The following GRXCR1 variants were observed in gnomAD, a reference collection of about 807,000 sequenced individuals.
GRXCR1 encodes glutaredoxin and cysteine rich domain containing 1.
In GRXCR1, 27 loss-of-function variants were observed where a neutral mutation model predicts 27.3. The observed-to-expected ratio is 0.99, with a 90% CI of 0.73 to 1.37. The LOEUF (loss-of-function observed/expected upper bound fraction) is 1.37, where lower values mean the gene tolerates loss of function less well. Ranked by LOEUF, GRXCR1 falls within the 40% of genes most tolerant of loss-of-function variation. GRXCR1 has a pLI of 0.00. For missense variants in GRXCR1, 379 were observed against 354.4 expected, an observed-to-expected ratio of 1.07 and a Z score of -0.56; for synonymous variants, 122 against 131.1, an observed-to-expected ratio of 0.93 and a Z score of 0.47.
In GRXCR1 at chr4:42,963,102, C is replaced by T. The variant is rs1216525577; in HGVS notation, c.595C>T (p.Pro199Ser). 4 of 1,612,776 alleles carry T rather than the reference C, an allele frequency of 2.5e-6. No homozygotes were observed. Among genetic ancestry groups the T allele is most frequent in the Non-Finnish European group, 3.4e-6 (4 of 1,179,040 alleles). ...CRRVSEAPSL[P>S]VVFIDGHYLG... ...ACGAGTTTCTGAAGCTCCTTCCCTC[C>T]CTGTTGTGTTCATTGATGGCCATTA... The change falls in exon 2 of 4, where the codon CCT becomes TCT. Residue 199 changes from proline to serine, a missense_variant. Pro to Ser is a moderately conservative substitution (Grantham distance 74). Transcript: ENST00000399770.
chr4:42,953,670 G>GT (rs1747934311), intron 1 of GRXCR1, among the ~76,000 whole-genome samples: 2 of 152,042 alleles, frequency 1.3e-5, no homozygotes, highest in African/African-American at 4.8e-5. Context: ...ATAAGAGATT[G>GT]TTTTTTTGAT....
At chr4:43,009,233 A>C (rs1420524127) in intron 2 of GRXCR1, among the ~76,000 whole-genome samples, 1 of 152,208 alleles carries the variant, frequency 6.6e-6, no homozygotes, top group Non-Finnish European at 1.5e-5. Context: ...CAGTTCTGGC[A>C]GGTAGAATCC....
chr4:42,943,233 C>A (rs1747663671), intron 1 of GRXCR1, among the ~76,000 whole-genome samples: 1 of 152,026 alleles, frequency 6.6e-6, no homozygotes, highest in African/African-American at 2.4e-5. Flanking sequence ...TTGCCTGATG[C>A]ATAGTTAATT....
chr4:42,910,000 A>G (rs1184317374), intron 1 of GRXCR1, among the ~76,000 whole-genome samples: 2 of 152,152 alleles, frequency 1.3e-5, no homozygotes, highest in Non-Finnish European at 2.9e-5. Context: ...TTACAAAGGA[A>G]AGAGGTTTAA....
At chr4:42,937,123 A>G (rs1747478200) in intron 1 of GRXCR1, among the ~76,000 whole-genome samples, 1 of 151,894 alleles carries the variant, frequency 6.6e-6, no homozygotes, top group Admixed American at 6.6e-5. Context: ...TTATTTATTC[A>G]ATCATTTATG....
intron 1 of GRXCR1, among the ~76,000 whole-genome samples, chr4:42,927,520 A>C (rs925192130): frequency 1.3e-5 from 2 of 152,006 alleles, no homozygotes; most frequent in Non-Finnish European, 2.9e-5. Context: ...ACTTTTCACT[A>C]GGCATCTTAA....
chr4:42,930,498 TC>T (rs1279955665), intron 1 of GRXCR1, among the ~76,000 whole-genome samples: 1 of 151,974 alleles, frequency 6.6e-6, no homozygotes, highest in African/African-American at 2.4e-5. Context: ...ATCTCTCCTC[TC>T]CTTTTATCCC....
intron 2 of GRXCR1, among the ~76,000 whole-genome samples, chr4:43,010,528 G>T (rs1442979787): frequency 6.6e-6 from 1 of 151,882 alleles, no homozygotes; most frequent in East Asian, 1.9e-4. Context: ...ATCACCTTTC[G>T]CTAAATGCTA....
intron 3 of GRXCR1, among the ~76,000 whole-genome samples, chr4:43,027,683 A>G (rs1713299155): frequency 6.6e-6 from 1 of 152,216 alleles, no homozygotes; most frequent in South Asian, 2.1e-4. Flanking sequence ...TGAGAAAACC[A>G]TATGGCTATT....
intron 2 of GRXCR1, among the ~76,000 whole-genome samples, chr4:43,002,973 A>T (rs1360351000): frequency 6.6e-6 from 1 of 152,212 alleles, no homozygotes; most frequent in Non-Finnish European, 1.5e-5. Flanking sequence ...TGCTATTCTC[A>T]AGATAGTGAG....
At chr4:42,916,099 G>GA (rs58948726) in intron 1 of GRXCR1, among the ~76,000 whole-genome samples, 94,474 of 145,810 alleles carry the variant, frequency 0.65, 30,532 homozygotes, top group Non-Finnish European at 0.69. Flanking sequence ...CATCATTTCA[G>GA]AAAAAAAAAA....
intron 2 of GRXCR1, among the ~76,000 whole-genome samples, chr4:43,012,894 A>G (rs1022211086): frequency 3.3e-5 from 5 of 152,210 alleles, no homozygotes; most frequent in Non-Finnish European, 5.9e-5. Context: ...AAAGACATGA[A>G]CACACACTTC....
chr4:42,925,716 G>A (rs547078621), intron 1 of GRXCR1, among the ~76,000 whole-genome samples: 1 of 152,042 alleles, frequency 6.6e-6, no homozygotes, highest in East Asian at 1.9e-4. Context: ...TCTTTGCAGG[G>A]GACTTAATGA....
At chr4:42,933,307 G>C (rs1747374706) in intron 1 of GRXCR1, among the ~76,000 whole-genome samples, 1 of 151,878 alleles carries the variant, frequency 6.6e-6, no homozygotes, top group African/African-American at 2.4e-5. Flanking sequence ...TCAGAGCCAT[G>C]TTGCTTGAAC....
At chr4:43,016,791 G>T (rs9995762) in intron 2 of GRXCR1, among the ~76,000 whole-genome samples, 9,741 of 152,188 alleles carry the variant, frequency 0.064, 967 homozygotes, top group African/African-American at 0.22. Context: ...ACATTCATAG[G>T]TCATGTGGTA....
chr4:42,980,488 T>G (rs916909302), intron 2 of GRXCR1, among the ~76,000 whole-genome samples: 91 of 152,178 alleles, frequency 6.0e-4, no homozygotes, highest in Non-Finnish European at 8.2e-4. Context: ...TTTATATCAT[T>G]GTAGTCAAGA....
chr4:42,974,229 G>C (rs1024501535), intron 2 of GRXCR1, among the ~76,000 whole-genome samples: 1 of 152,072 alleles, frequency 6.6e-6, no homozygotes, highest in African/African-American at 2.4e-5. Context: ...GGATTGATTG[G>C]TCAGGGTAGG....
chr4:42,990,438 G>A (rs1221031560), intron 2 of GRXCR1, among the ~76,000 whole-genome samples: 1 of 151,436 alleles, frequency 6.6e-6, no homozygotes, highest in Non-Finnish European at 1.5e-5. Flanking sequence ...TGATCTGCCC[G>A]CCTCGGCCTC....
intron 2 of GRXCR1, among the ~76,000 whole-genome samples, chr4:43,000,054 T>A (rs537686229): frequency 4.6e-5 from 7 of 152,306 alleles, no homozygotes; most frequent in African/African-American, 1.7e-4. Flanking sequence ...AATTCATAAA[T>A]CTTAAGTTGT....
Sources: gnomAD v4.1 joint callset for allele counts (sites outside exome capture counted in the v4.1 genomes callset) on GRCh38, gnomAD v4.1.1 for gene constraint, MANE v1.5 for transcripts, NCBI Gene and HGNC (gene_info 2026-07-23, HGNC 2026-07-21) for gene names.